OVCH1: variants seen among roughly 807,000 people sequenced by gnomAD.
OVCH1 encodes ovochymase-1.
OVCH1 carries 139 observed loss-of-function variants against 138.4 expected under a neutral mutation model. The ratio of observed to expected loss-of-function variants is 1.00; its 90% CI spans 0.87 to 1.16. The LOEUF is 1.16. OVCH1 is among the 50% of genes most tolerant of loss of function. The pLI, the probability that OVCH1 is intolerant of heterozygous loss-of-function variation, is 0.00. For synonymous variants in OVCH1, 453 were observed against 467.8 expected (o/e 0.97, Z 0.41); for missense variants, 1,367 against 1,357.9 (o/e 1.01, Z -0.11).
chr12:29,432,149 G>C (rs1230726092), intron 27 of OVCH1, among the ~76,000 whole-genome samples: 1 of 152,150 alleles, frequency 6.6e-6, no homozygotes, highest in Admixed American at 6.5e-5. Flanking sequence ...AGACATCAAA[G>C]GGATAGTCAA....
chr12:29,441,736 A>G (rs1340017807), intron 25 of OVCH1, among the ~76,000 whole-genome samples: 1 of 152,242 alleles, frequency 6.6e-6, no homozygotes, highest in Non-Finnish European at 1.5e-5. Flanking sequence ...ACAAAGGGCT[A>G]ATATCCAGAA....
At chr12:29,409,084 G>A (rs1940919602), downstream of OVCH1, among the ~76,000 whole-genome samples, 1 of 152,126 alleles carries the variant, frequency 6.6e-6, no homozygotes, top group East Asian at 1.9e-4. Context: ...AAATTTTCTA[G>A]TTTATTTGCG....
chr12:29,436,287 AC>A (rs1193865998), intron 26 of OVCH1, among the ~76,000 whole-genome samples: 1 of 86 alleles, frequency 0.012, no homozygotes, highest in African/African-American at 0.016. Context: ...AAGTTGAGAC[AC>A]CCAGTACTTT....
At chr12:29,451,663 A>C in intron 21 of OVCH1, 94 bp from the exon 22 acceptor site, 1 of 970,112 alleles carries the variant, frequency 1.0e-6, no homozygotes. Context: ...TAGGCTTGCA[A>C]GGAGAAAATT....
chr12:29,407,597 G>C (rs993153359), downstream of OVCH1, among the ~76,000 whole-genome samples: 3 of 151,526 alleles, frequency 2.0e-5, no homozygotes, highest in South Asian at 2.1e-4. Flanking sequence ...TGTCAGGTTT[G>C]TCAAAGATCA....
Position 29,430,801 on chromosome 12 carries a change from T to TAA in OVCH1, c.3327+2948_3327+2949dup, listed in dbSNP as rs1210967458. ...TGCCTGTGGAGTCTGCACACCAGAT[T>TAA]AACACCCTCCCTTGAGTTCTGGCCA... On this transcript the variant is annotated intron_variant, in intron 27 of 27. Transcript: ENST00000318184. 6.5e-6 allele frequency: 3 copies of TAA among 460,496 alleles called. No individual in the cohort carries two copies. The Admixed American group carries it at 6.8e-5, about 10-fold the overall frequency. The allele number at this position is 460,496 out of a possible 1,614,324, so 28.5% of individuals were successfully genotyped here. A position where few individuals can be genotyped will look rare whatever the true frequency, so the allele number is the denominator to read the frequency against.
chr12:29,437,078 C>T (rs944264201), intron 26 of OVCH1, among the ~76,000 whole-genome samples: 3 of 152,180 alleles, frequency 2.0e-5, no homozygotes, highest in African/African-American at 7.2e-5. Context: ...ATACAGAGCG[C>T]TGATTGGTGC....
At chr12:29,439,992 C>T (rs969473014) in intron 25 of OVCH1, among the ~76,000 whole-genome samples, 1 of 152,166 alleles carries the variant, frequency 6.6e-6, no homozygotes, top group African/African-American at 2.4e-5. Flanking sequence ...TCCGTGTGTT[C>T]ACCAACCCAA....
intron 21 of OVCH1, among the ~76,000 whole-genome samples, chr12:29,453,635 T>G (rs1422973896): frequency 6.6e-6 from 1 of 152,122 alleles, no homozygotes; most frequent in Non-Finnish European, 1.5e-5. Flanking sequence ...CTTATTTTTG[T>G]CCCAAACAAA....
intron 3 of OVCH1, among the ~76,000 whole-genome samples, chr12:29,413,921 A>G (rs573497243): frequency 9.5e-4 from 144 of 151,710 alleles, no homozygotes; most frequent in Non-Finnish European, 1.8e-3. Context: ...TCATTGCTCT[A>G]TCATTTCACT....
intron 8 of OVCH1, among the ~76,000 whole-genome samples, chr12:29,479,193 C>A (rs1392848295): frequency 6.6e-6 from 1 of 152,166 alleles, no homozygotes; most frequent in African/African-American, 2.4e-5. Context: ...GAAACCACCC[C>A]TTAAATTTCA....
At chr12:29,438,451 C>G (rs897290813) in intron 26 of OVCH1, among the ~76,000 whole-genome samples, 2 of 110,850 alleles carry the variant, frequency 1.8e-5, no homozygotes, top group Non-Finnish European at 1.8e-5. Context: ...AGTTAATTTC[C>G]TCTTCATCCC....
downstream of OVCH1, among the ~76,000 whole-genome samples, chr12:29,424,836 T>G (rs1592027581): frequency 6.6e-6 from 1 of 152,204 alleles, no homozygotes; most frequent in East Asian, 1.9e-4. Flanking sequence ...TTAAATCAGT[T>G]GGTATTTACA....
intron 3 of OVCH1, among the ~76,000 whole-genome samples, chr12:29,422,153 A>G (rs903269950): frequency 6.6e-6 from 1 of 152,182 alleles, no homozygotes; most frequent in African/African-American, 2.4e-5. Context: ...GTTTGTACAC[A>G]TGTGTAACAG....
rs540869492 is a variant in OVCH1, at chr12:29,454,201, C to G, written c.2530+640G>C. 1.3e-4 allele frequency among the ~76,000 whole-genome samples: 20 copies of G among 152,224 alleles called. No homozygotes were observed. In the East Asian group the frequency reaches 2.5e-3, roughly 19 times the overall value. ...TAGATCTCATCTTCTTTCTTCTACT[C>G]AAAGTCATCACTCTTGCAATTCTAC... On this transcript the variant is annotated intron_variant, in intron 21 of 27. Coordinates refer to ENST00000318184, the Ensembl canonical transcript of OVCH1.
intron 3 of OVCH1, among the ~76,000 whole-genome samples, chr12:29,421,624 A>C (rs1427896422): frequency 6.6e-6 from 1 of 152,178 alleles, no homozygotes; most frequent in African/African-American, 2.4e-5. Context: ...GACTTATCAA[A>C]ACACTTTACA....
At chr12:29,427,593 T>C in exon 28 of OVCH1, 1 of 1,551,460 alleles carries the variant, frequency 6.4e-7, no homozygotes, top group Non-Finnish European at 8.7e-7. Flanking sequence ...AAGTGAGCCC[T>C]TAGCAGGCAC....
At chr12:29,431,032 A>G (rs1477650272) in intron 27 of OVCH1, 3 of 375,840 alleles carry the variant, frequency 8.0e-6, no homozygotes, top group Non-Finnish European at 1.6e-5. Context: ...AAGAACATTC[A>G]GGGTCAATAC....
exon 7 of OVCH1, chr12:29,487,719 T>C: frequency 6.2e-7 from 1 of 1,600,762 alleles, no homozygotes; most frequent in Non-Finnish European, 8.5e-7. Flanking sequence ...AGTGATAAAA[T>C]CCATCAACTC....
Sources: allele counts gnomAD v4.1 joint callset (sites outside exome capture counted in the v4.1 genomes callset), GRCh38; gene constraint gnomAD v4.1.1; transcripts MANE v1.5; gene names NCBI Gene and HGNC (gene_info 2026-07-23, HGNC 2026-07-21).